GALNT3: variants seen among roughly 807,000 people sequenced by gnomAD.
The protein encoded by GALNT3 is polypeptide N-acetylgalactosaminyltransferase 3.
A neutral mutation model predicts 69.8 loss-of-function variants in GALNT3; 51 were observed. The ratio of observed to expected loss-of-function variants is 0.73; its 90% CI spans 0.58 to 0.92. The LOEUF is 0.92. Ranked by LOEUF, GALNT3 falls within the 40% of genes least tolerant of loss-of-function variation. The pLI is 0.00. For missense variants in GALNT3, 711 were observed against 760.0 expected (o/e 0.94, Z 0.76); for synonymous variants, 265 against 248.5 (o/e 1.07, Z -0.63).
chr2:165,773,333 G>A (rs1038286310), intron 1 of GALNT3, among the ~76,000 whole-genome samples: 8 of 152,146 alleles, frequency 5.3e-5, no homozygotes, highest in Admixed American at 1.3e-4. Flanking sequence ...CATGTAAGAC[G>A]TGCCTTTGCT....
At chr2:165,786,940 G>A (rs886631011) in intron 1 of GALNT3, among the ~76,000 whole-genome samples, 1 of 152,154 alleles carries the variant, frequency 6.6e-6, no homozygotes, top group Admixed American at 6.5e-5. Context: ...TACTTATTAT[G>A]AGAATAAATA....
intron 1 of GALNT3, among the ~76,000 whole-genome samples, chr2:165,777,638 T>C (rs1480539827): frequency 6.6e-6 from 1 of 152,190 alleles, no homozygotes; most frequent in African/African-American, 2.4e-5. Flanking sequence ...TTTAAGTTCA[T>C]GTTTACATTC....
At chr2:165,771,063 T>C (rs1247734309) in intron 1 of GALNT3, among the ~76,000 whole-genome samples, 1 of 152,120 alleles carries the variant, frequency 6.6e-6, no homozygotes, top group East Asian at 1.9e-4. Flanking sequence ...TAAACTCTAA[T>C]ATCCACTATA....
chr2:165,787,546 G>A (rs1683250445), intron 1 of GALNT3, among the ~76,000 whole-genome samples: 1 of 152,182 alleles, frequency 6.6e-6, no homozygotes, highest in South Asian at 2.1e-4. Flanking sequence ...CAAACAGCGA[G>A]GCCATGGCAA....
chr2:165,761,393 G>A (rs987110308), intron 4 of GALNT3, among the ~76,000 whole-genome samples: 1 of 152,016 alleles, frequency 6.6e-6, no homozygotes, highest in Non-Finnish European at 1.5e-5. Flanking sequence ...TGTATTTTTA[G>A]TAGAGACAGG....
Position 165,789,095 on chromosome 2 carries a change from G to A in GALNT3, c.-109+4920C>T, listed in dbSNP as rs936730978. Among the ~76,000 whole-genome samples, 8 of 152,172 alleles carry A rather than the reference G, an allele frequency of 5.3e-5. 1 individual carries two copies. The highest frequency in any genetic ancestry group is 9.7e-5 in the African/African-American group (4 of 41,438). On this transcript the variant is annotated intron_variant, in intron 1 of 10. Coordinates refer to ENST00000392701, the MANE Select transcript of GALNT3 (RefSeq NM_004482.4). The stretch of plus-strand genomic sequence containing the variant: ...GGAGAAAGGTATAAAATGTTAAGTG[G>A]ATTCAGTGTTCTAATGGTTGTTGTC...
At chr2:165,756,029 C>T (rs907576181) in intron 7 of GALNT3, among the ~76,000 whole-genome samples, 1 of 152,168 alleles carries the variant, frequency 6.6e-6, no homozygotes, top group Non-Finnish European at 1.5e-5. Context: ...GTACAGTACA[C>T]AATCTGCCCA....
At chr2:165,785,259 T>C (rs1683196636) in intron 1 of GALNT3, among the ~76,000 whole-genome samples, 1 of 151,864 alleles carries the variant, frequency 6.6e-6, no homozygotes. Context: ...TTATGCAAAG[T>C]AAAAAACAAG....
intron 1 of GALNT3, among the ~76,000 whole-genome samples, chr2:165,789,960 G>A (rs903980979): frequency 1.3e-5 from 2 of 152,138 alleles, no homozygotes; most frequent in African/African-American, 4.8e-5. Flanking sequence ...GTTTTCAGAG[G>A]ATGATTTTTG....
chr2:165,749,152 G>T (rs1558992271), intron 10 of GALNT3, among the ~76,000 whole-genome samples: 1 of 152,078 alleles, frequency 6.6e-6, no homozygotes, highest in African/African-American at 2.4e-5. Context: ...TTTCAAACAA[G>T]AAGTATTCCC....
In GALNT3 at chr2:165,765,071, A is replaced by G. The variant is rs772708995; in HGVS notation, c.516-15T>C. ...GTTCAATACATCTAGAAGAAGTCAG[A>G]GAAGTAGAAAAACAATTACAAATTT... On this transcript the variant is annotated splice_polypyrimidine_tract_variant and intron_variant, in intron 2 of 10. Transcript: ENST00000392701. 1.2e-6 allele frequency: 2 copies of G among 1,609,690 alleles called. No individual in the cohort carries two copies. The highest frequency in any genetic ancestry group is 1.7e-6 in the Non-Finnish European group (2 of 1,176,058).
intron 1 of GALNT3, among the ~76,000 whole-genome samples, chr2:165,791,179 C>T (rs13032536): frequency 0.36 from 54,527 of 151,782 alleles, 9,832 homozygotes; most frequent in Middle Eastern, 0.49. Flanking sequence ...TCAAGCCCTA[C>T]AATACATGTT....
chr2:165,760,989 A>T (rs1688534587), intron 4 of GALNT3, among the ~76,000 whole-genome samples: 1 of 152,212 alleles, frequency 6.6e-6, no homozygotes, highest in Non-Finnish European at 1.5e-5. Context: ...TATGTAAGGG[A>T]TACCAAAGAA....
chr2:165,777,274 C>T (rs891486690), intron 1 of GALNT3, among the ~76,000 whole-genome samples: 1 of 151,872 alleles, frequency 6.6e-6, no homozygotes, highest in Admixed American at 6.6e-5. Flanking sequence ...TAGGGGTAAC[C>T]ACACTAAGCA....
chr2:165,758,227 T>A (rs186467153), intron 6 of GALNT3, among the ~76,000 whole-genome samples: 157 of 152,272 alleles, frequency 1.0e-3, no homozygotes, highest in Non-Finnish European at 8.2e-4. Context: ...GCCTAAGAGA[T>A]GAAAAATGAA....
intron 1 of GALNT3, among the ~76,000 whole-genome samples, chr2:165,784,354 T>C (rs949384369): frequency 3.3e-5 from 5 of 151,958 alleles, no homozygotes; most frequent in Non-Finnish European, 7.4e-5. Flanking sequence ...TTTGGGGAGG[T>C]AGAAAAACCT....
At chr2:165,764,626 C>CT (rs1228811852) in intron 3 of GALNT3, among the ~76,000 whole-genome samples, 1 of 152,210 alleles carries the variant, frequency 6.6e-6, no homozygotes, top group Non-Finnish European at 1.5e-5. Context: ...AGTCTGTGCT[C>CT]TTAACCTCTA....
intron 1 of GALNT3, among the ~76,000 whole-genome samples, chr2:165,787,899 C>CAG (rs1683256407): frequency 6.6e-6 from 1 of 152,102 alleles, no homozygotes; most frequent in Non-Finnish European, 1.5e-5. Flanking sequence ...GATCTTGGAA[C>CAG]AGAACCAAAA....
chr2:165,785,088 GA>G (rs1477908095), intron 1 of GALNT3, among the ~76,000 whole-genome samples: 1 of 152,110 alleles, frequency 6.6e-6, no homozygotes, highest in African/African-American at 2.4e-5. Flanking sequence ...CAGATGTGGG[GA>G]TGACTTCTAG....
Sources: gnomAD v4.1 joint callset for allele counts (sites outside exome capture counted in the v4.1 genomes callset) on GRCh38, gnomAD v4.1.1 for gene constraint, MANE v1.5 for transcripts, NCBI Gene and HGNC (gene_info 2026-07-23, HGNC 2026-07-21) for gene names.